LRFN2: variants seen among roughly 807,000 people sequenced by gnomAD.
LRFN2 encodes leucine-rich repeat and fibronectin type-III domain-containing protein 2.
LRFN2 carries 18 observed loss-of-function variants against 37.3 expected under a neutral mutation model. That is an observed-to-expected ratio of 0.48 (90% CI 0.33 to 0.72). The LOEUF is 0.72. Among genes scored for constraint, LRFN2 ranks in the 30% least tolerant of loss-of-function variants. LRFN2 has a pLI of 0.02. For synonymous variants in LRFN2, 556 were observed against 466.6 expected (o/e 1.19, Z -2.47); for missense variants, 1,006 against 1,060.7 (o/e 0.95, Z 0.72).
At chr6:40,475,295 A>T (rs909967316) in intron 1 of LRFN2, among the ~76,000 whole-genome samples, 22 of 152,180 alleles carry the variant, frequency 1.4e-4, no homozygotes, top group Admixed American at 1.3e-3. Flanking sequence ...AGAGACAAGG[A>T]TGTGAGCCCA....
rs562041520 is a variant in LRFN2 at position 40,411,618 on chromosome 6, C to T, written c.1401-18706G>A. On this transcript the variant is annotated intron_variant, in intron 2 of 2. Transcript: ENST00000338305. ...AGCCACCCTGGCCTCTTCGTTGCTCCTCAGAAACACTCCAGCCATGGAGGC... is the reference window on the plus strand; with the variant it reads ...AGCCACCCTGGCCTCTTCGTTGCTCTTCAGAAACACTCCAGCCATGGAGGC... Among the ~76,000 whole-genome samples, 99 of 152,264 alleles carry T rather than the reference C, an allele frequency of 6.5e-4. 1 individual carries two copies. The highest frequency in any genetic ancestry group is 2.0e-3 in the African/African-American group (84 of 41,564).
intron 2 of LRFN2, among the ~76,000 whole-genome samples, chr6:40,403,329 C>A (rs1279907265): frequency 6.6e-6 from 1 of 152,046 alleles, no homozygotes; most frequent in Non-Finnish European, 1.5e-5. Flanking sequence ...AAGCACATGT[C>A]TGCTCTTTAG....
chr6:40,444,617 G>T (rs2113836947), intron 1 of LRFN2, among the ~76,000 whole-genome samples: 1 of 152,284 alleles, frequency 6.6e-6, no homozygotes, highest in African/African-American at 2.4e-5. Context: ...TCTATAAGCT[G>T]GGTCCCTGCA....
chr6:40,550,270 C>A (rs773623598), intron 1 of LRFN2, among the ~76,000 whole-genome samples: 1 of 152,122 alleles, frequency 6.6e-6, no homozygotes, highest in Admixed American at 6.6e-5. Flanking sequence ...TGCTAGGAGA[C>A]AATGCTCAGA....
Position 40,403,303 on chromosome 6 carries a change from T to G in LRFN2, c.1401-10391A>C, listed in dbSNP as rs940661835. Among the ~76,000 whole-genome samples the G allele has an allele frequency of 2.9e-4, 11 of 37,512 alleles. No individual in the cohort carries two copies. In the South Asian group the frequency reaches 0.023, roughly 78 times the overall value. 24.6% of individuals were successfully genotyped at this position (37,512 alleles called of 152,430 possible). A position where few individuals can be genotyped will look rare whatever the true frequency, so the allele number is the denominator to read the frequency against. ...CTGGCCTTCCCTAAGCACCAGGGCCTGAGTGATAATGGGGGAAGCACATGT... is the reference window on the plus strand; with the variant it reads ...CTGGCCTTCCCTAAGCACCAGGGCCGGAGTGATAATGGGGGAAGCACATGT... On this transcript the variant is annotated intron_variant, in intron 2 of 2. Transcript: ENST00000338305.
At chr6:40,561,779 G>A (rs1022233302) in intron 1 of LRFN2, among the ~76,000 whole-genome samples, 4 of 152,174 alleles carry the variant, frequency 2.6e-5, no homozygotes, top group African/African-American at 9.7e-5. Flanking sequence ...CAGGAAGGAA[G>A]GGAGAATTCT....
chr6:40,464,066 C>G (rs1211106158), intron 1 of LRFN2, among the ~76,000 whole-genome samples: 1 of 152,162 alleles, frequency 6.6e-6, no homozygotes, highest in Non-Finnish European at 1.5e-5. Context: ...TCTCTTAGCC[C>G]CATTCTAGAC....
At chr6:40,484,441 G>A (rs1285237791) in intron 1 of LRFN2, among the ~76,000 whole-genome samples, 7 of 152,224 alleles carry the variant, frequency 4.6e-5, no homozygotes. Context: ...CAGAGGCCTA[G>A]GCCGGTGCCT....
chr6:40,431,102 C>T (rs148087714), intron 2 of LRFN2, among the ~76,000 whole-genome samples: 405 of 152,202 alleles, frequency 2.7e-3, no homozygotes, highest in African/African-American at 9.3e-3. Flanking sequence ...CTTTCTCTCT[C>T]TCTTTTTTTT....
chr6:40,566,664 C>T (rs1191506651), intron 1 of LRFN2, among the ~76,000 whole-genome samples: 2 of 151,096 alleles, frequency 1.3e-5, no homozygotes, highest in Non-Finnish European at 2.9e-5. Flanking sequence ...TGTTCTCACT[C>T]ATAGGTGGGA....
At chr6:40,444,955 A>T (rs985201309) in intron 1 of LRFN2, among the ~76,000 whole-genome samples, 1 of 151,752 alleles carries the variant, frequency 6.6e-6, no homozygotes, top group African/African-American at 2.4e-5. Context: ...TTTGCTGTCA[A>T]GAGCTGGAAC....
chr6:40,393,863 A>G (rs1399045030), intron 2 of LRFN2, among the ~76,000 whole-genome samples: 1 of 152,166 alleles, frequency 6.6e-6, no homozygotes, highest in Non-Finnish European at 1.5e-5. Context: ...CTCATGACTC[A>G]GGAGGGAGAG....
chr6:40,463,036 C>T (rs1050787444), intron 1 of LRFN2, among the ~76,000 whole-genome samples: 3 of 152,226 alleles, frequency 2.0e-5, no homozygotes, highest in East Asian at 3.9e-4. Context: ...GAGCTCTTCC[C>T]TCATCTCCTT....
intron 1 of LRFN2, among the ~76,000 whole-genome samples, chr6:40,440,560 A>T (rs1240546523): frequency 6.6e-6 from 1 of 152,180 alleles, no homozygotes; most frequent in Non-Finnish European, 1.5e-5. Flanking sequence ...GGCCCCTCTG[A>T]CACCCTGTGG....
chr6:40,403,971 G>A (rs1762793605), intron 2 of LRFN2, among the ~76,000 whole-genome samples: 1 of 152,128 alleles, frequency 6.6e-6, no homozygotes, highest in African/African-American at 2.4e-5. Context: ...CTGCCAAGGG[G>A]AATCCTGCCT....
chr6:40,519,783 G>A (rs1421890613), intron 1 of LRFN2, among the ~76,000 whole-genome samples: 1 of 152,218 alleles, frequency 6.6e-6, no homozygotes, highest in Non-Finnish European at 1.5e-5. Flanking sequence ...AGGGGAAGCA[G>A]GTGAGTCTAT....
chr6:40,420,890 C>T (rs986879943), intron 2 of LRFN2, among the ~76,000 whole-genome samples: 3 of 152,208 alleles, frequency 2.0e-5, no homozygotes, highest in Admixed American at 1.3e-4. Context: ...AGGAAGTCAG[C>T]ACAGGGCATT....
At chr6:40,443,104 C>A (rs1763880561) in intron 1 of LRFN2, among the ~76,000 whole-genome samples, 1 of 152,142 alleles carries the variant, frequency 6.6e-6, no homozygotes, top group Non-Finnish European at 1.5e-5. Flanking sequence ...GGTGGCCAGG[C>A]TGGGCTGCTG....
chr6:40,414,238 G>A (rs1763044673), intron 2 of LRFN2, among the ~76,000 whole-genome samples: 1 of 152,148 alleles, frequency 6.6e-6, no homozygotes, highest in African/African-American at 2.4e-5. Flanking sequence ...CTGGTGCAGT[G>A]GGGCCCACAC....
Sources: gnomAD v4.1 joint callset for allele counts (sites outside exome capture counted in the v4.1 genomes callset) on GRCh38, gnomAD v4.1.1 for gene constraint, MANE v1.5 for transcripts, NCBI Gene and HGNC (gene_info 2026-07-23, HGNC 2026-07-21) for gene names.